The following CCDC141 variants were observed in gnomAD, a reference collection of about 807,000 sequenced individuals.
CCDC141 encodes coiled-coil domain containing 141.
Under a neutral mutation model 181.0 loss-of-function variants are expected in CCDC141, and 168 were observed. That is an observed-to-expected ratio of 0.93 (90% CI 0.82 to 1.05). CCDC141 has a LOEUF of 1.05. CCDC141 is among the 50% of genes least tolerant of loss of function. The pLI is 0.00. For synonymous variants in CCDC141, 666 were observed against 642.3 expected (o/e 1.04, Z -0.56); for missense variants, 1,902 against 1,788.5 (o/e 1.06, Z -1.14).
chr2:179,017,244 T>A (rs12475463), intron 2 of CCDC141, among the ~76,000 whole-genome samples: 23,369 of 151,774 alleles, frequency 0.15, 2,214 homozygotes, highest in African/African-American at 0.26. Context: ...TGAAAAAAAA[T>A]AATACTTATA....
intron 11 of CCDC141, among the ~76,000 whole-genome samples, chr2:178,881,585 C>T (rs930492842): frequency 6.6e-6 from 1 of 151,870 alleles, no homozygotes. Context: ...GAAGAGGTCG[C>T]AAGTGGAAGG....
intron 4 of CCDC141, among the ~76,000 whole-genome samples, chr2:178,965,693 T>C (rs1287446343): frequency 6.6e-6 from 1 of 152,212 alleles, no homozygotes; most frequent in East Asian, 1.9e-4. Flanking sequence ...GGCAGCCATT[T>C]GGGCAGACAC....
At chr2:179,040,176 T>A (rs2043257072) in intron 2 of CCDC141, among the ~76,000 whole-genome samples, 1 of 152,196 alleles carries the variant, frequency 6.6e-6, no homozygotes, top group Admixed American at 6.5e-5. Flanking sequence ...GACTGGCACA[T>A]TGTGGTAAGA....
chr2:178,949,665 G>C (rs1417633328), intron 5 of CCDC141, among the ~76,000 whole-genome samples: 1 of 152,188 alleles, frequency 6.6e-6, no homozygotes, highest in Non-Finnish European at 1.5e-5. Context: ...GGGGCTCCGT[G>C]AAAATAGTTC....
intron 2 of CCDC141, among the ~76,000 whole-genome samples, chr2:179,040,902 T>A (rs1043901818): frequency 6.6e-6 from 1 of 152,212 alleles, no homozygotes; most frequent in East Asian, 1.9e-4. Context: ...ATATACCTAG[T>A]AATGGATTGA....
chr2:178,952,745 G>GGAGAGTTA (rs1287087279), intron 5 of CCDC141, among the ~76,000 whole-genome samples: 1 of 152,146 alleles, frequency 6.6e-6, no homozygotes, highest in Non-Finnish European at 1.5e-5. Context: ...TTTCATCTAT[G>GGAGAGTTA]GACAGTTAGA....
In CCDC141 at chr2:178,878,137, T is replaced by C; in HGVS notation, c.1726A>G (p.Met576Val). The C allele has an allele frequency of 1.3e-6, 2 of 1,593,252 alleles. No homozygotes were observed. Among genetic ancestry groups the C allele is most frequent in the Non-Finnish European group, 1.7e-6 (2 of 1,174,940 alleles). The change falls in exon 12 of 24, where the codon ATG (methionine) becomes GTG (valine). Residue 576 changes from methionine to valine, a missense_variant. By Grantham distance (21) the Met-to-Val change is conservative. Transcript: ENST00000443758. ...AFLKSSEEVEMQFQSLKEFYE... is the reference protein window; with the variant it reads ...AFLKSSEEVEVQFQSLKEFYE... ...AATTCTTTTAAGCTCTGAAACTGCA[T>C]CTCTACCTAAAAAAGAAAAAAGAGA...
chr2:178,949,788 C>T (rs887303648), intron 5 of CCDC141, among the ~76,000 whole-genome samples: 3 of 152,094 alleles, frequency 2.0e-5, no homozygotes, highest in African/African-American at 7.2e-5. Flanking sequence ...TTTCAGTTCC[C>T]AAATGACATG....
chr2:179,044,452 G>T (rs550306237), intron 2 of CCDC141, among the ~76,000 whole-genome samples: 1 of 152,268 alleles, frequency 6.6e-6, no homozygotes, highest in South Asian at 2.1e-4. Context: ...ATGGATTTAG[G>T]TATGCAAATT....
intron 4 of CCDC141, among the ~76,000 whole-genome samples, chr2:178,971,313 T>C (rs2154380002): frequency 6.6e-6 from 1 of 152,096 alleles, no homozygotes; most frequent in Non-Finnish European, 1.5e-5. Context: ...AACAAACATA[T>C]GAAAAAATGC....
chr2:178,982,650 C>T (rs968064355), intron 2 of CCDC141, among the ~76,000 whole-genome samples: 24 of 151,768 alleles, frequency 1.6e-4, no homozygotes, highest in African/African-American at 5.1e-4. Context: ...CTGCCTCCCT[C>T]GGGAAGCACA....
At chr2:179,023,244 G>C (rs564932812) in intron 2 of CCDC141, among the ~76,000 whole-genome samples, 1 of 152,074 alleles carries the variant, frequency 6.6e-6, no homozygotes, top group East Asian at 1.9e-4. Context: ...TTCTTTAAAG[G>C]TTTCAACTCA....
chr2:179,012,401 C>T (rs965776206), intron 2 of CCDC141, among the ~76,000 whole-genome samples: 1 of 152,020 alleles, frequency 6.6e-6, no homozygotes, highest in Non-Finnish European at 1.5e-5. Context: ...AAAATACAAA[C>T]CCTCCTACCT....
chr2:179,015,067 GATAT>G (rs1177070237), intron 2 of CCDC141, among the ~76,000 whole-genome samples: 34 of 39,602 alleles, frequency 8.6e-4, no homozygotes, highest in South Asian at 1.7e-3. Flanking sequence ...GAGAGACAGA[GATAT>G]ATATATATAT....
intron 17 of CCDC141, among the ~76,000 whole-genome samples, chr2:178,863,867 G>A (rs139777380): frequency 6.6e-6 from 1 of 152,304 alleles, no homozygotes; most frequent in South Asian, 2.1e-4. Context: ...AATCAAACCC[G>A]CATGTATCTG....
intron 2 of CCDC141, among the ~76,000 whole-genome samples, chr2:179,024,911 T>C (rs2042790500): frequency 6.6e-6 from 1 of 152,174 alleles, no homozygotes; most frequent in Admixed American, 6.5e-5. Flanking sequence ...CAAAAACTTT[T>C]TAAAAAAAAC....
At chr2:178,998,813 G>A (rs1692401963) in intron 2 of CCDC141, among the ~76,000 whole-genome samples, 2 of 151,888 alleles carry the variant, frequency 1.3e-5, no homozygotes, top group South Asian at 4.2e-4. Context: ...GTCAATGGTG[G>A]GTCTGAGAAG....
At chr2:178,968,153 C>T (rs1690720323) in intron 4 of CCDC141, among the ~76,000 whole-genome samples, 1 of 152,126 alleles carries the variant, frequency 6.6e-6, no homozygotes, top group Non-Finnish European at 1.5e-5. Context: ...CTTTAACACC[C>T]CACTGTCAAT....
chr2:179,024,362 G>A (rs2042771469), intron 2 of CCDC141, among the ~76,000 whole-genome samples: 1 of 152,142 alleles, frequency 6.6e-6, no homozygotes, highest in African/African-American at 2.4e-5. Context: ...GAGATGAACT[G>A]TTCCTGTGAT....
Sources: gnomAD v4.1 joint callset for allele counts (sites outside exome capture counted in the v4.1 genomes callset) on GRCh38, gnomAD v4.1.1 for gene constraint, MANE v1.5 for transcripts, NCBI Gene and HGNC (gene_info 2026-07-23, HGNC 2026-07-21) for gene names.